CDH4: variants seen among roughly 807,000 people sequenced by gnomAD.
The protein encoded by CDH4 is cadherin 4.
Under a neutral mutation model 86.0 loss-of-function variants are expected in CDH4, and 33 were observed. The ratio of observed to expected loss-of-function variants is 0.38; its 90% confidence interval spans 0.29 to 0.51. The LOEUF (loss-of-function observed/expected upper bound fraction) is 0.51, where lower values mean the gene tolerates loss of function less well. Among genes scored for constraint, CDH4 ranks in the 20% least tolerant of loss-of-function variants. The probability of loss-of-function intolerance (pLI) is 0.86; values close to 1 mark genes in which losing one functional copy is unlikely to be tolerated. For missense variants in CDH4, 1,114 were observed against 1,307.4 expected (o/e 0.85, Z 2.28); for synonymous variants, 555 against 549.4 (o/e 1.01, Z -0.14).
intron 2 of CDH4, among the ~76,000 whole-genome samples, chr20:61,598,581 A>G (rs2252936): frequency 0.65 from 98,634 of 151,986 alleles, 34,245 homozygotes; most frequent in East Asian, 0.81. Flanking sequence ...GTGTGGAGAT[A>G]CCCCTTTCCA....
At chr20:61,559,282 C>T (rs1348834862) in intron 2 of CDH4, among the ~76,000 whole-genome samples, 1 of 152,130 alleles carries the variant, frequency 6.6e-6, no homozygotes, top group African/African-American at 2.4e-5. Flanking sequence ...TGTGCCACTG[C>T]ACTCCAGCCT....
At chr20:61,800,925 G>A (rs577237310) in intron 4 of CDH4, among the ~76,000 whole-genome samples, 11 of 152,362 alleles carry the variant, frequency 7.2e-5, no homozygotes, top group South Asian at 2.1e-4. Flanking sequence ...GCCCATCTGC[G>A]CCACACATAG....
intron 2 of CDH4, among the ~76,000 whole-genome samples, chr20:61,603,426 C>G (rs1340744719): frequency 6.6e-6 from 1 of 152,134 alleles, no homozygotes; most frequent in Non-Finnish European, 1.5e-5. Flanking sequence ...CGAGGAGACT[C>G]TAGGAAAACA....
At chr20:61,443,666 C>A (rs957119966) in intron 2 of CDH4, among the ~76,000 whole-genome samples, 1 of 152,200 alleles carries the variant, frequency 6.6e-6, no homozygotes, top group African/African-American at 2.4e-5. Flanking sequence ...TGAGAGAAGA[C>A]TGCTGGCTAA....
At chr20:61,570,730 G>T in intron 2 of CDH4, 1 of 702,356 alleles carries the variant, frequency 1.4e-6, no homozygotes, top group Non-Finnish European at 2.6e-6. Context: ...ACGGAGGCAG[G>T]GAAAATGCAG....
chr20:61,676,264 G>C lies in CDH4; in HGVS notation c.170-67299G>C, dbSNP rs1344976656. ...GGCTGTAATTGACTCAAGTCTATTT[G>C]CCAGCCACAAAGACAATCTTTATAA... On this transcript the variant is annotated intron_variant, in intron 2 of 15. Transcript: ENST00000614565. The surrounding 1 kb of genome is among the most constrained non-coding windows in gnomAD (Gnocchi z 4.5). Among the ~76,000 whole-genome samples, 2 of 152,206 alleles carry C rather than the reference G, an allele frequency of 1.3e-5. No homozygotes were observed. The highest frequency in any genetic ancestry group is 2.9e-5 in the Non-Finnish European group (2 of 68,046).
intron 6 of CDH4, among the ~76,000 whole-genome samples, chr20:61,861,532 C>A (rs1026446035): frequency 6.6e-6 from 1 of 152,166 alleles, no homozygotes; most frequent in South Asian, 2.1e-4. Flanking sequence ...GCCTCCCCTT[C>A]CCCGCCTGTG....
At chr20:61,626,646 C>T (rs978956278) in intron 2 of CDH4, among the ~76,000 whole-genome samples, 4 of 152,162 alleles carry the variant, frequency 2.6e-5, no homozygotes, top group East Asian at 1.9e-4. Flanking sequence ...GCTTAGCTAA[C>T]GTGGGCAGCA....
Position 61,728,938 on chromosome 20 carries a change from C to T in CDH4, c.170-14625C>T, listed in dbSNP as rs368040716. Among the ~76,000 whole-genome samples the T allele has an allele frequency of 2.2e-4, 34 of 152,304 alleles. No individual in the cohort carries two copies. The South Asian group carries it at 6.1e-3, about 27-fold the overall frequency. On this transcript the variant is annotated intron_variant, in intron 2 of 15. Coordinates refer to ENST00000614565, the MANE Select transcript of CDH4 (RefSeq NM_001794.5). ...GGAACACCCCTAGCCATCAGGACAC[C>T]GCTGGCCCTGGGAGAGAGGGACAAA...
intron 2 of CDH4, among the ~76,000 whole-genome samples, chr20:61,304,265 C>CCA (rs1182582567): frequency 6.6e-6 from 1 of 151,356 alleles, no homozygotes; most frequent in Non-Finnish European, 1.5e-5. Flanking sequence ...TGGACGGCAC[C>CCA]CCCCCAACCC....
chr20:61,583,454 C>T (rs1163977821), intron 2 of CDH4, among the ~76,000 whole-genome samples: 1 of 152,112 alleles, frequency 6.6e-6, no homozygotes, highest in East Asian at 1.9e-4. Context: ...GGTTGTCACA[C>T]ACGCGTTCTG....
chr20:61,901,046 T>C (rs1985372324), intron 8 of CDH4, among the ~76,000 whole-genome samples: 1 of 152,202 alleles, frequency 6.6e-6, no homozygotes, highest in African/African-American at 2.4e-5. Context: ...GAAGTTGTGC[T>C]CCAATCCCGG....
At chr20:61,542,906 A>C (rs1264930782) in intron 2 of CDH4, among the ~76,000 whole-genome samples, 1 of 152,208 alleles carries the variant, frequency 6.6e-6, no homozygotes, top group Non-Finnish European at 1.5e-5. Flanking sequence ...CAGATCTCAA[A>C]AGTAGGGAAG....
chr20:61,306,177 T>G (rs958866939), intron 2 of CDH4, among the ~76,000 whole-genome samples: 2 of 152,198 alleles, frequency 1.3e-5, no homozygotes. Flanking sequence ...TTCCAAAGGT[T>G]GCTGGAAAGC....
chr20:61,296,800 C>T (rs555889577), intron 2 of CDH4, among the ~76,000 whole-genome samples: 166 of 152,150 alleles, frequency 1.1e-3, no homozygotes, highest in Non-Finnish European at 2.0e-3. Context: ...TTTCAGGCCA[C>T]GGCAGCTGGA....
At chr20:61,375,779 C>CTTG (rs1422654483) in intron 2 of CDH4, among the ~76,000 whole-genome samples, 1 of 10,246 alleles carries the variant, frequency 9.8e-5, no homozygotes, top group African/African-American at 3.7e-4. Context: ...GTGGTCATAG[C>CTTG]ACTGGTGGTG....
At chr20:61,256,031 GC>G (rs543057189) in intron 2 of CDH4, among the ~76,000 whole-genome samples, 317 of 152,350 alleles carry the variant, frequency 2.1e-3, no homozygotes, top group African/African-American at 7.1e-3. Flanking sequence ...CGGCCTAGGA[GC>G]AGAATAGATG....
intron 5 of CDH4, among the ~76,000 whole-genome samples, chr20:61,848,972 C>G (rs190809557): frequency 7.9e-5 from 12 of 152,264 alleles, no homozygotes; most frequent in Non-Finnish European, 1.5e-4. Flanking sequence ...TCGTGGAGAT[C>G]ATTAGTTTTA....
chr20:61,518,141 T>C lies in CDH4; in HGVS notation c.170-225422T>C, dbSNP rs2085837504. On this transcript the variant is annotated intron_variant, in intron 2 of 15. Transcript: ENST00000614565. The surrounding 1 kb of genome is among the most constrained non-coding windows in gnomAD (Gnocchi z 6.3). ...TACTGCAAGGGTTTAGTGCTCATTCTTCACTCACTGTGTCTGGGACACTAG... is the reference window on the plus strand; with the variant it reads ...TACTGCAAGGGTTTAGTGCTCATTCCTCACTCACTGTGTCTGGGACACTAG... 6.6e-6 allele frequency among the ~76,000 whole-genome samples: 1 copy of C among 152,238 alleles called. No homozygotes were observed. Among genetic ancestry groups the C allele is most frequent in the South Asian group, 2.1e-4 (1 of 4,832 alleles).
Sources: allele counts gnomAD v4.1 joint callset (sites outside exome capture counted in the v4.1 genomes callset), GRCh38; gene constraint gnomAD v4.1.1; non-coding constraint Gnocchi (gnomAD v3.1); transcripts MANE v1.5; gene names NCBI Gene and HGNC (gene_info 2026-07-23, HGNC 2026-07-21).